Variants in TOM1L1 observed in about 807,000 individuals in gnomAD.
The protein encoded by TOM1L1 is target of myb1 like 1 membrane trafficking protein, also known as TOM1-like protein 1.
A neutral mutation model predicts 63.4 loss-of-function variants in TOM1L1; 64 were observed. That is an observed-to-expected ratio of 1.01 (90% CI 0.83 to 1.24). The LOEUF is 1.24. Among genes scored for constraint, TOM1L1 ranks in the 50% most tolerant of loss-of-function variants. The pLI is 0.00. For missense variants in TOM1L1, 536 were observed against 567.0 expected, an observed-to-expected ratio of 0.95 and a Z score of 0.55; for synonymous variants, 166 against 194.4, an observed-to-expected ratio of 0.85 and a Z score of 1.22.
chr17:54,958,573 A>G (rs1211302066), intron 14 of TOM1L1: 1 of 152,276 alleles, frequency 6.6e-6, no homozygotes, highest in Non-Finnish European at 1.5e-5. Flanking sequence ...TCTACTAAAA[A>G]TACAAAAATT....
Position 54,961,293 on chromosome 17 carries a change from A to G in TOM1L1, c.*60A>G. The G allele has an allele frequency of 1.3e-6, 2 of 1,551,312 alleles. No individual in the cohort carries two copies. The highest frequency in any genetic ancestry group is 2.4e-5 in the South Asian group (2 of 84,050). On this transcript the variant is annotated 3_prime_UTR_variant, in exon 16 of 16. Coordinates refer to ENST00000575882, the MANE Select transcript of TOM1L1 (RefSeq NM_005486.3). ...AAGGTGCCAACTCTCTAAAACGTAG[A>G]CTCTGTGCAGCTTTGAAGCCTGGAA...
intron 8 of TOM1L1, among the ~76,000 whole-genome samples, chr17:54,935,086 C>T (rs1046931577): frequency 5.3e-5 from 8 of 152,056 alleles, no homozygotes; most frequent in Admixed American, 2.0e-4. Context: ...TTCTGTCACG[C>T]GTGAAGAGAC....
At chr17:54,932,484 C>T (rs1000282692) in intron 8 of TOM1L1, among the ~76,000 whole-genome samples, 3 of 152,040 alleles carry the variant, frequency 2.0e-5, no homozygotes, top group African/African-American at 7.2e-5. Context: ...CTTTTTCTTT[C>T]TTTGGAGGCA....
intron 11 of TOM1L1, among the ~76,000 whole-genome samples, chr17:54,945,960 A>G (rs926353087): frequency 6.6e-6 from 1 of 152,068 alleles, no homozygotes; most frequent in Non-Finnish European, 1.5e-5. Flanking sequence ...GACATTTTTA[A>G]TGTTTTATTA....
Position 54,915,773 on chromosome 17 carries a change from AT to A in TOM1L1, c.632del (p.Met211ArgfsTer2). The A allele has an allele frequency of 6.2e-7, 1 of 1,612,188 alleles. No individual in the cohort carries two copies. The highest frequency in any genetic ancestry group is 8.5e-7 in the Non-Finnish European group (1 of 1,179,222). Reference sequence around the variant, plus strand: ...TGGAAAACTGCACAGTGAATTGGATATGGTGAAAATGAATGTGCGAGTGATG... The same window carrying A: ...TGGAAAACTGCACAGTGAATTGGATAGGTGAAAATGAATGTGCGAGTGATG... Reference protein sequence around the residue: ...QIGKLHSELDMVKMNVRVMSA... With the variant: ...QIGKLHSELDXVKMNVRVMSA... On this transcript the variant is annotated frameshift_variant, in exon 7 of 16. Transcript: ENST00000575882. LOFTEE classifies it high-confidence loss of function.
At chr17:54,915,518 A>G (rs1262459210) in intron 6 of TOM1L1, among the ~76,000 whole-genome samples, 2 of 152,122 alleles carry the variant, frequency 1.3e-5, no homozygotes, top group African/African-American at 2.4e-5. Context: ...AAATTCCTAA[A>G]GCATATTTTG....
chr17:54,950,073 T>C lies in TOM1L1; in HGVS notation c.1317T>C (p.Pro439=). The C allele has an allele frequency of 1.2e-6, 2 of 1,614,062 alleles. No individual in the cohort carries two copies. Among genetic ancestry groups the C allele is most frequent in the South Asian group, 1.1e-5 (1 of 91,060 alleles). ...TGACAAAAAGTGATCTCCAGCCACC[T>C]AATTACTACGAGGTAATGGAGTTTG... The part of the protein sequence containing the change: ...PAMTKSDLQP[P]NYYEVMEFDP... Residue 439 remains proline (P), a synonymous_variant, in exon 14 of 16, where the codon CCT becomes CCC. Coordinates refer to ENST00000575882, the MANE Select transcript of TOM1L1 (RefSeq NM_005486.3).
intron 7 of TOM1L1, among the ~76,000 whole-genome samples, chr17:54,918,585 A>G (rs556272706): frequency 6.6e-6 from 1 of 152,302 alleles, no homozygotes; most frequent in Non-Finnish European, 1.5e-5. Context: ...TGTTGAAAGG[A>G]TATAAGCTGA....
intron 10 of TOM1L1, chr17:54,937,964 A>G (rs2048976540): frequency 2.6e-5 from 4 of 152,222 alleles, no homozygotes; most frequent in Admixed American, 6.5e-5. Context: ...GTTTTGTCAA[A>G]TTAAAAGCAG....
At chr17:54,960,721 G>A (rs2287136) in intron 15 of TOM1L1, 94 bp downstream of exon 15, 263,816 of 941,908 alleles carry the variant, frequency 0.28, 38,862 homozygotes, top group African/African-American at 0.35. Context: ...TTTTCTAAGG[G>A]CCATCTGAGT....
In TOM1L1 at chr17:54,936,688, G is replaced by C; in HGVS notation, c.894G>C (p.Lys298Asn). Residue 298 changes from lysine (K) to asparagine (N), a missense_variant, in exon 9 of 16, where the codon AAG (lysine) becomes AAC (asparagine). By Grantham distance (94) the Lys-to-Asn change is moderately conservative (BLOSUM62 0). Transcript: ENST00000575882. ...AACAAAGGATTTTGGAGCAAAATAAGAACCAGAAGGAAGCCACCAATGTAA... is the reference window on the plus strand; with the variant it reads ...AACAAAGGATTTTGGAGCAAAATAACAACCAGAAGGAAGCCACCAATGTAA... ...RNQQRILEQNKNQKEATNTTS... is the reference protein window; with the variant it reads ...RNQQRILEQNNNQKEATNTTS... 6.2e-7 allele frequency: 1 copy of C among 1,607,376 alleles called. No homozygotes were observed. The highest frequency in any genetic ancestry group is 1.1e-5 in the South Asian group (1 of 89,492).
intron 14 of TOM1L1, chr17:54,954,283 G>A (rs60318079): frequency 2.0e-5 from 3 of 151,988 alleles, no homozygotes; most frequent in African/African-American, 2.4e-5. Flanking sequence ...TGAGAGTTAC[G>A]AACTCTCGTG....
chr17:54,954,258 A>G (rs1426518665), intron 14 of TOM1L1: 1 of 152,176 alleles, frequency 6.6e-6, no homozygotes, highest in Non-Finnish European at 1.5e-5. Context: ...TTATGTGTGG[A>G]GAATATTCTC....
At chr17:54,923,334 A>T (rs1023307930) in intron 7 of TOM1L1, among the ~76,000 whole-genome samples, 1 of 152,066 alleles carries the variant, frequency 6.6e-6, no homozygotes, top group Non-Finnish European at 1.5e-5. Context: ...GCACCATTGT[A>T]TATTCTGTTA....
intron 7 of TOM1L1, among the ~76,000 whole-genome samples, chr17:54,923,322 C>G (rs945419833): frequency 1.2e-4 from 19 of 152,088 alleles, no homozygotes; most frequent in Non-Finnish European, 1.3e-4. Context: ...TGCACAATGG[C>G]TGCACCATTG....
rs1400543524 is a variant in TOM1L1, at chr17:54,914,760, T to C, written c.603+17T>C. The C allele has an allele frequency of 3.9e-6, 6 of 1,550,942 alleles. No homozygotes were observed. Among genetic ancestry groups the C allele is most frequent in the Admixed American group, 1.7e-5 (1 of 58,696 alleles). On this transcript the variant is annotated intron_variant, in intron 6 of 15. Transcript: ENST00000575882. ...CCAGAACAGGTAACAACAACAATCATTGCATTTAATTGATGTCTTTTCCTG... is the reference window on the plus strand; with the variant it reads ...CCAGAACAGGTAACAACAACAATCACTGCATTTAATTGATGTCTTTTCCTG...
chr17:54,908,450 G>A (rs2048445773), intron 3 of TOM1L1, among the ~76,000 whole-genome samples: 1 of 152,310 alleles, frequency 6.6e-6, no homozygotes, highest in East Asian at 1.9e-4. Flanking sequence ...AGTCACCTAT[G>A]TCTGTCAAAA....
At chr17:54,957,419 T>G (rs1351248601) in intron 14 of TOM1L1, 1 of 152,232 alleles carries the variant, frequency 6.6e-6, no homozygotes, top group Non-Finnish European at 1.5e-5. Flanking sequence ...AGAAACGTTT[T>G]TTTAATCAGT....
At chr17:54,944,976 A>C (rs1271225464) in intron 11 of TOM1L1, among the ~76,000 whole-genome samples, 2 of 152,182 alleles carry the variant, frequency 1.3e-5, no homozygotes, top group South Asian at 4.1e-4. Flanking sequence ...AAACCACAGA[A>C]ATTTATTATC....
Sources: gnomAD v4.1 joint callset for allele counts (sites outside exome capture counted in the v4.1 genomes callset) on GRCh38, gnomAD v4.1.1 for gene constraint, MANE v1.5 for transcripts, NCBI Gene and HGNC (gene_info 2026-07-23, HGNC 2026-07-21) for gene names.